GALNT18: variants seen among roughly 807,000 people sequenced by gnomAD.
GALNT18 encodes polypeptide N-acetylgalactosaminyltransferase 18.
GALNT18 carries 44 observed loss-of-function variants against 69.5 expected under a neutral mutation model. The observed-to-expected ratio is 0.63, with a 90% confidence interval of 0.50 to 0.81. The LOEUF is 0.81. Among genes scored for constraint, GALNT18 ranks in the 40% least tolerant of loss-of-function variants. The probability of loss-of-function intolerance (pLI) is 0.00; values close to 1 mark genes in which losing one functional copy is unlikely to be tolerated. For synonymous variants in GALNT18, 364 were observed against 318.2 expected, an observed-to-expected ratio of 1.14 and a Z score of -1.53; for missense variants, 715 against 810.0, an observed-to-expected ratio of 0.88 and a Z score of 1.42.
intron 6 of GALNT18, among the ~76,000 whole-genome samples, chr11:11,358,344 T>C (rs1589935187): frequency 7.1e-6 from 1 of 140,242 alleles, no homozygotes; most frequent in African/African-American, 2.6e-5. Flanking sequence ...CACTGTTATT[T>C]CTAATGCCAA....
intron 1 of GALNT18, among the ~76,000 whole-genome samples, chr11:11,468,298 C>T (rs1308087420): frequency 6.6e-6 from 1 of 152,150 alleles, no homozygotes; most frequent in African/African-American, 2.4e-5. Flanking sequence ...GACCCACCTC[C>T]CCAAGGCAAG....
chr11:11,482,238 G>C (rs560693507), intron 1 of GALNT18, among the ~76,000 whole-genome samples: 2 of 152,240 alleles, frequency 1.3e-5, no homozygotes, highest in African/African-American at 2.4e-5. Context: ...ATGTGCAGTC[G>C]GAGGGGCCTG....
rs547245019 is a variant in GALNT18 at position 11,506,071 on chromosome 11, C to T, written c.236-57135G>A. ...AGAACCATCTGGCTGCTTTAGTCCT[C>T]GGGAGCCTCAGTGATGAAAGGCACA... On this transcript the variant is annotated intron_variant, in intron 1 of 10. Coordinates refer to ENST00000227756, the MANE Select transcript of GALNT18 (RefSeq NM_198516.3). Among the ~76,000 whole-genome samples, 50 of 152,260 alleles carry T rather than the reference C, an allele frequency of 3.3e-4. No homozygotes were observed. The East Asian group carries it at 6.9e-3, about 21-fold the overall frequency.
At chr11:11,561,528 G>C (rs2133984064) in intron 1 of GALNT18, among the ~76,000 whole-genome samples, 1 of 152,330 alleles carries the variant, frequency 6.6e-6, no homozygotes, top group Admixed American at 6.5e-5. Flanking sequence ...GGTAAGGATT[G>C]AGTGAGAAAG....
intron 9 of GALNT18, among the ~76,000 whole-genome samples, chr11:11,297,385 G>A (rs1849419554): frequency 6.6e-6 from 1 of 152,190 alleles, no homozygotes; most frequent in Admixed American, 6.5e-5. Flanking sequence ...AGACGAGAAA[G>A]CTGAGGCACG....
rs1454476795 is a variant in GALNT18 at position 11,461,570 on chromosome 11, G to A, written c.236-12634C>T. ...ACATACCGTTATCCCCCCCGCTCCC[G>A]CCCGCCACCGAGCTGACAGCCCGGA... On this transcript the variant is annotated intron_variant, in intron 1 of 10. Transcript: ENST00000227756. This position sits in a 1 kb window ranked among gnomAD's most constrained non-coding sequence, Gnocchi z 4.1. Among the ~76,000 whole-genome samples the A allele has an allele frequency of 1.3e-5, 2 of 152,120 alleles. No individual in the cohort carries two copies. The highest frequency in any genetic ancestry group is 1.9e-4 in the East Asian group (1 of 5,186).
intron 1 of GALNT18, among the ~76,000 whole-genome samples, chr11:11,560,060 T>C (rs1003670190): frequency 1.6e-5 from 2 of 125,100 alleles, no homozygotes; most frequent in African/African-American, 6.2e-5. Flanking sequence ...TGGGATAGGA[T>C]GGGATGGAAT....
intron 1 of GALNT18, among the ~76,000 whole-genome samples, chr11:11,492,850 A>C (rs79410941): frequency 6.6e-6 from 1 of 152,170 alleles, no homozygotes; most frequent in Non-Finnish European, 1.5e-5. Flanking sequence ...CCACCAAGGC[A>C]CATGTATACC....
chr11:11,504,222 C>T (rs1857026816), intron 1 of GALNT18, among the ~76,000 whole-genome samples: 2 of 152,158 alleles, frequency 1.3e-5, no homozygotes, highest in South Asian at 4.1e-4. Flanking sequence ...TCCCTCCATA[C>T]ACCCCAGCAA....
At chr11:11,449,787 A>G (rs1479340332) in intron 1 of GALNT18, among the ~76,000 whole-genome samples, 2 of 152,232 alleles carry the variant, frequency 1.3e-5, no homozygotes, top group Non-Finnish European at 2.9e-5. Context: ...AAAATTCCCC[A>G]ACCTAGAATG....
chr11:11,368,805 A>G (rs1242354039), intron 6 of GALNT18, among the ~76,000 whole-genome samples: 1 of 152,212 alleles, frequency 6.6e-6, no homozygotes, highest in Admixed American at 6.5e-5. Flanking sequence ...TGGATTCAAC[A>G]GCTGGAGACT....
rs1859712045 is a variant in GALNT18 at position 11,604,913 on chromosome 11, A to G, written c.235+16446T>C. ...AATCACTGCTCTCCTCGGTTGACCCACTGGCTATTGCTCCTGGCCGTGAGT... is the reference window on the plus strand; with the variant it reads ...AATCACTGCTCTCCTCGGTTGACCCGCTGGCTATTGCTCCTGGCCGTGAGT... On this transcript the variant is annotated intron_variant, in intron 1 of 10. Coordinates refer to ENST00000227756, the MANE Select transcript of GALNT18 (RefSeq NM_198516.3). This position sits in a 1 kb window ranked among gnomAD's most constrained non-coding sequence, Gnocchi z 5.6. 6.6e-6 allele frequency among the ~76,000 whole-genome samples: 1 copy of G among 152,122 alleles called. No homozygotes were observed. The highest frequency in any genetic ancestry group is 2.1e-4 in the South Asian group (1 of 4,818).
intron 6 of GALNT18, among the ~76,000 whole-genome samples, chr11:11,342,609 G>T (rs1589921592): frequency 1.3e-5 from 2 of 152,344 alleles, no homozygotes; most frequent in Non-Finnish European, 2.9e-5. Flanking sequence ...ACTTAAGCTT[G>T]TTTTGCCTTG....
chr11:11,433,192 A>C (rs1392433636), intron 2 of GALNT18, among the ~76,000 whole-genome samples: 1 of 152,238 alleles, frequency 6.6e-6, no homozygotes, highest in East Asian at 1.9e-4. Flanking sequence ...GTGAGGCCAG[A>C]CCTCAGGCAT....
chr11:11,294,609 G>GA (rs33946765), intron 9 of GALNT18, among the ~76,000 whole-genome samples: 192 of 142,532 alleles, frequency 1.3e-3, no homozygotes, highest in African/African-American at 4.0e-3. Flanking sequence ...ACACATCCCA[G>GA]AAAAAAAAAA....
intron 9 of GALNT18, among the ~76,000 whole-genome samples, chr11:11,298,184 A>C (rs4382896): frequency 6.6e-6 from 1 of 152,036 alleles, no homozygotes; most frequent in Admixed American, 6.5e-5. Context: ...TAGCCCTCCA[A>C]AGAAGCCACC....
In GALNT18 at chr11:11,496,439, A is replaced by G. The variant is rs1747696574; in HGVS notation, c.236-47503T>C. Among the ~76,000 whole-genome samples the G allele has an allele frequency of 6.6e-6, 1 of 152,224 alleles. No homozygotes were observed. Among genetic ancestry groups the G allele is most frequent in the Non-Finnish European group, 1.5e-5 (1 of 68,032 alleles). On this transcript the variant is annotated intron_variant, in intron 1 of 10. Transcript: ENST00000227756. This position sits in a 1 kb window ranked among gnomAD's most constrained non-coding sequence, Gnocchi z 4.0. Reference sequence around the variant, plus strand: ...AGCCCCTCAAGTTTAGCCCAAACTTACCCAGCAGTACATTGCTATCAACTC... The same window carrying G: ...AGCCCCTCAAGTTTAGCCCAAACTTGCCCAGCAGTACATTGCTATCAACTC...
chr11:11,608,029 C>T (rs1042564494), intron 1 of GALNT18, among the ~76,000 whole-genome samples: 2 of 152,200 alleles, frequency 1.3e-5, no homozygotes, highest in East Asian at 1.9e-4. Context: ...TTCAGAGCAG[C>T]GGTCAGTGAC....
intron 9 of GALNT18, among the ~76,000 whole-genome samples, chr11:11,326,664 G>A (rs759915611): frequency 3.3e-5 from 5 of 152,162 alleles, no homozygotes; most frequent in Non-Finnish European, 4.4e-5. Context: ...CTAAAGGGCC[G>A]AGCTGAAGAC....
Sources: allele counts gnomAD v4.1 joint callset (sites outside exome capture counted in the v4.1 genomes callset), GRCh38; gene constraint gnomAD v4.1.1; non-coding constraint Gnocchi (gnomAD v3.1); transcripts MANE v1.5; gene names NCBI Gene and HGNC (gene_info 2026-07-23, HGNC 2026-07-21).